GSG1L: variants seen among roughly 807,000 people sequenced by gnomAD.
The protein encoded by GSG1L is GSG1 like.
A neutral mutation model predicts 42.1 loss-of-function variants in GSG1L; 24 were observed. The ratio of observed to expected loss-of-function variants is 0.57; its 90% CI spans 0.41 to 0.80. GSG1L has a LOEUF of 0.80. Ranked by LOEUF, GSG1L falls within the 30% of genes least tolerant of loss-of-function variation. The pLI is 0.00. For missense variants in GSG1L, 445 were observed against 472.2 expected, an observed-to-expected ratio of 0.94 and a Z score of 0.53; for synonymous variants, 215 against 203.5, an observed-to-expected ratio of 1.06 and a Z score of -0.48.
At chr16:27,997,389 G>A (rs1474375330) in intron 1 of GSG1L, among the ~76,000 whole-genome samples, 3 of 126,408 alleles carry the variant, frequency 2.4e-5, no homozygotes, top group African/African-American at 2.9e-5. Context: ...GTGCAACCTC[G>A]GCTCACTGCA....
chr16:27,808,941 T>C (rs2082999307), intron 5 of GSG1L, among the ~76,000 whole-genome samples: 1 of 152,154 alleles, frequency 6.6e-6, no homozygotes, highest in South Asian at 2.1e-4. Flanking sequence ...AACTTAGACC[T>C]TCACCTGCGT....
chr16:27,982,395 G>A (rs182838533), intron 1 of GSG1L, among the ~76,000 whole-genome samples: 1 of 152,274 alleles, frequency 6.6e-6, no homozygotes, highest in African/African-American at 2.4e-5. Context: ...CATGTGAGCA[G>A]TGGGTCACGT....
chr16:27,894,461 A>T (rs1567508672), intron 2 of GSG1L, among the ~76,000 whole-genome samples: 1 of 152,234 alleles, frequency 6.6e-6, no homozygotes, highest in African/African-American at 2.4e-5. Context: ...CTTTCAAGAG[A>T]AAACACCTTT....
intron 1 of GSG1L, among the ~76,000 whole-genome samples, chr16:28,050,755 C>T (rs2086213568): frequency 6.6e-6 from 1 of 152,100 alleles, no homozygotes; most frequent in Admixed American, 6.5e-5. Flanking sequence ...TCAGAGGAGC[C>T]CAACTGCTTC....
intron 2 of GSG1L, among the ~76,000 whole-genome samples, chr16:27,930,174 C>T (rs2084639690): frequency 6.6e-6 from 1 of 152,008 alleles, no homozygotes. Context: ...TGACTTAGGG[C>T]AGATTCCATA....
intron 1 of GSG1L, among the ~76,000 whole-genome samples, chr16:27,994,132 AGGT>A: frequency 6.6e-6 from 1 of 152,182 alleles, no homozygotes; most frequent in Admixed American, 6.5e-5. Flanking sequence ...AAAAAACTCC[AGGT>A]GATACCACAG....
chr16:28,027,425 G>A (rs1396127483), intron 1 of GSG1L, among the ~76,000 whole-genome samples: 2 of 152,176 alleles, frequency 1.3e-5, no homozygotes, highest in Non-Finnish European at 2.9e-5. Context: ...TTTCAGTGCA[G>A]GGCTTATGAG....
At chr16:28,003,304 A>T (rs1343388721) in intron 1 of GSG1L, among the ~76,000 whole-genome samples, 1 of 152,258 alleles carries the variant, frequency 6.6e-6, no homozygotes, top group Non-Finnish European at 1.5e-5. Flanking sequence ...ACAGAAGGAT[A>T]CACGGGCATC....
At chr16:27,928,438 A>G (rs187861459) in intron 2 of GSG1L, among the ~76,000 whole-genome samples, 4 of 152,180 alleles carry the variant, frequency 2.6e-5, no homozygotes, top group Admixed American at 2.0e-4. Context: ...GGCCCTTCCC[A>G]GTCTCTGGGC....
chr16:28,012,273 C>T (rs1159303954), intron 1 of GSG1L, among the ~76,000 whole-genome samples: 1 of 152,076 alleles, frequency 6.6e-6, no homozygotes, highest in African/African-American at 2.4e-5. Flanking sequence ...CTATTAATAC[C>T]CTGTTATGGC....
chr16:27,823,544 CAGG>C (rs1456422527), intron 5 of GSG1L, among the ~76,000 whole-genome samples: 11 of 152,198 alleles, frequency 7.2e-5, no homozygotes, highest in Non-Finnish European at 1.5e-4. Flanking sequence ...CGCTGGTCTC[CAGG>C]AGGACAGCAG....
At chr16:27,952,462 A>G (rs1318916518) in intron 2 of GSG1L, among the ~76,000 whole-genome samples, 1 of 152,212 alleles carries the variant, frequency 6.6e-6, no homozygotes, top group Non-Finnish European at 1.5e-5. Context: ...CGAGGTGGTA[A>G]AGGCAAGTCA....
chr16:27,981,255 G>C (rs563933197), intron 1 of GSG1L, among the ~76,000 whole-genome samples: 7 of 152,286 alleles, frequency 4.6e-5, no homozygotes, highest in African/African-American at 1.7e-4. Context: ...AAAGCTTTTT[G>C]GCAGGTGCAT....
intron 5 of GSG1L, among the ~76,000 whole-genome samples, chr16:27,824,263 G>A (rs917909315): frequency 1.1e-4 from 16 of 152,310 alleles, no homozygotes; most frequent in African/African-American, 3.1e-4. Context: ...CTGGGTCACA[G>A]GAAACAGGCT....
At chr16:27,933,744 G>A (rs758581574) in intron 2 of GSG1L, among the ~76,000 whole-genome samples, 12 of 151,338 alleles carry the variant, frequency 7.9e-5, no homozygotes, top group Non-Finnish European at 1.6e-4. Flanking sequence ...CCTCCCTTCT[G>A]GAAGAAAATT....
At chr16:27,881,946 C>A (rs1434621514) in intron 3 of GSG1L, among the ~76,000 whole-genome samples, 3 of 152,130 alleles carry the variant, frequency 2.0e-5, no homozygotes, top group Non-Finnish European at 4.4e-5. Context: ...CCTGGTTGGC[C>A]TCCCCACCTC....
chr16:27,990,514 C>T (rs1055333190), intron 1 of GSG1L, among the ~76,000 whole-genome samples: 1 of 152,072 alleles, frequency 6.6e-6, no homozygotes, highest in African/African-American at 2.4e-5. Context: ...TTAATAGAGC[C>T]AATAAAAGGT....
intron 4 of GSG1L, among the ~76,000 whole-genome samples, chr16:27,834,194 T>C (rs1002985839): frequency 5.3e-5 from 8 of 152,206 alleles, no homozygotes; most frequent in Non-Finnish European, 7.4e-5. Flanking sequence ...TCAATTAATA[T>C]GGTCATGTGA....
intron 1 of GSG1L, among the ~76,000 whole-genome samples, chr16:28,026,668 C>G (rs1352710963): frequency 2.0e-5 from 3 of 152,196 alleles, no homozygotes; most frequent in Non-Finnish European, 2.9e-5. Context: ...GAAGGAACAG[C>G]CACTGTCTGA....
Sources: allele counts gnomAD v4.1 joint callset (sites outside exome capture counted in the v4.1 genomes callset), GRCh38; gene constraint gnomAD v4.1.1; transcripts MANE v1.5; gene names NCBI Gene and HGNC (gene_info 2026-07-23, HGNC 2026-07-21).